CLDN14: variants seen among roughly 807,000 people sequenced by gnomAD.
CLDN14 encodes claudin-14.
A neutral mutation model predicts 2.1 loss-of-function variants in CLDN14; 2 were observed. The observed-to-expected ratio is 0.96, with a 90% confidence interval of 0.39 to 3.01. The LOEUF (loss-of-function observed/expected upper bound fraction) is 3.01, where lower values mean the gene tolerates loss of function less well. Ranked by LOEUF, CLDN14 falls within the 30% of genes most tolerant of loss-of-function variation. CLDN14 has a pLI of 0.09. For synonymous variants in CLDN14, 136 were observed against 154.4 expected (o/e 0.88, Z 0.88); for missense variants, 298 against 328.0 (o/e 0.91, Z 0.71).
intron 1 of CLDN14, among the ~76,000 whole-genome samples, chr21:36,539,757 C>G (rs1274183242): frequency 2.2e-5 from 3 of 135,828 alleles, no homozygotes; most frequent in African/African-American, 8.5e-5. Context: ...GTGAGTATGT[C>G]TGCAGAGTGT....
Position 36,553,297 on chromosome 21 carries a change from G to A in CLDN14, c.-220+23114C>T, listed in dbSNP as rs187829844. The stretch of plus-strand genomic sequence containing the variant: ...TCCTGAAGTAGGAGGTGCAAAAGGC[G>A]AGAGGAAGGGGAAGGTGGATTTGGG... On this transcript the variant is annotated intron_variant, in intron 1 of 2. Transcript: ENST00000342108. Among the ~76,000 whole-genome samples, 21 of 152,278 alleles carry A rather than the reference G, an allele frequency of 1.4e-4. No individual in the cohort carries two copies. In the East Asian group the frequency reaches 3.1e-3, roughly 22 times the overall value.
intron 1 of CLDN14, among the ~76,000 whole-genome samples, chr21:36,562,804 C>A (rs144787023): frequency 1.3e-5 from 2 of 151,826 alleles, no homozygotes; most frequent in Non-Finnish European, 2.9e-5. Context: ...CACAGTCAAG[C>A]GGTGTAGTTT....
At chr21:36,561,788 A>G (rs371189) in intron 1 of CLDN14, among the ~76,000 whole-genome samples, 113,439 of 152,014 alleles carry the variant, frequency 0.75, 43,902 homozygotes, top group Non-Finnish European at 0.87. Context: ...CCTTCTGTAG[A>G]CTACTTATGT....
intron 2 of CLDN14, among the ~76,000 whole-genome samples, chr21:36,488,935 C>A (rs970783244): frequency 1.0e-3 from 157 of 151,464 alleles, no homozygotes; most frequent in African/African-American, 3.6e-3. Flanking sequence ...TCAAGACTAG[C>A]CTGGCCAACA....
chr21:36,520,895 G>C (rs543718456), intron 1 of CLDN14, among the ~76,000 whole-genome samples: 7 of 151,996 alleles, frequency 4.6e-5, no homozygotes, highest in South Asian at 4.2e-4. Flanking sequence ...CCCCTTCAAC[G>C]CTCCCCATGG....
At chr21:36,462,594 T>C (rs199572406) in intron 1 of CLDN14, among the ~76,000 whole-genome samples, 1 of 152,218 alleles carries the variant, frequency 6.6e-6, no homozygotes, top group East Asian at 1.9e-4. Context: ...AGGATACTTT[T>C]TCGGGACAAG....
intron 1 of CLDN14, among the ~76,000 whole-genome samples, chr21:36,558,053 C>T (rs528615761): frequency 5.9e-4 from 90 of 152,100 alleles, no homozygotes; most frequent in Non-Finnish European, 1.0e-3. Flanking sequence ...TCTGGTGTAC[C>T]GGTATTACTG....
intron 1 of CLDN14, among the ~76,000 whole-genome samples, chr21:36,540,264 T>A (rs529670164): frequency 4.5e-4 from 69 of 152,270 alleles, no homozygotes; most frequent in African/African-American, 1.6e-3. Flanking sequence ...ATGTACGTCC[T>A]CTCATACACT....
Position 36,545,854 on chromosome 21 carries a change from G to A in CLDN14, c.-220+30557C>T, listed in dbSNP as rs563792553. Among the ~76,000 whole-genome samples, 10 of 152,202 alleles carry A rather than the reference G, an allele frequency of 6.6e-5. No homozygotes were observed. The South Asian group carries it at 1.5e-3, about 22-fold the overall frequency. The stretch of plus-strand genomic sequence containing the variant: ...CAAGGCCAAGTTTGCTTCTCCTGGA[G>A]CATCCCCAGGAGATGTCTGCCCAGG... On this transcript the variant is annotated intron_variant, in intron 1 of 2. Transcript: ENST00000342108.
At chr21:36,545,216 A>T (rs2087518863) in intron 1 of CLDN14, among the ~76,000 whole-genome samples, 1 of 152,208 alleles carries the variant, frequency 6.6e-6, no homozygotes, top group Admixed American at 6.5e-5. Flanking sequence ...ATTTTTAAGA[A>T]ACACAAATTC....
upstream of CLDN14, chr21:36,480,521 A>G (rs900356768): frequency 5.3e-5 from 8 of 152,110 alleles, no homozygotes; most frequent in Non-Finnish European, 1.0e-4. Flanking sequence ...TTGAGGAATG[A>G]TTCGCTGATT....
intron 1 of CLDN14, chr21:36,526,409 T>C (rs2087329993): frequency 6.6e-6 from 1 of 152,202 alleles, no homozygotes; most frequent in Non-Finnish European, 1.5e-5. Flanking sequence ...TGGAACTGAC[T>C]TGACCAAGGC....
chr21:36,475,099 G>A (rs2086760400), intron 1 of CLDN14, among the ~76,000 whole-genome samples: 1 of 152,264 alleles, frequency 6.6e-6, no homozygotes, highest in South Asian at 2.1e-4. Context: ...GTGCAGGTGG[G>A]GCAAGTGGTC....
chr21:36,519,354 G>A (rs1205950879), intron 1 of CLDN14, among the ~76,000 whole-genome samples: 1 of 152,152 alleles, frequency 6.6e-6, no homozygotes, highest in African/African-American at 2.4e-5. Flanking sequence ...GGCCGAAGTG[G>A]GTGGATCGCT....
intron 1 of CLDN14, among the ~76,000 whole-genome samples, chr21:36,522,694 G>A (rs1030552897): frequency 1.3e-5 from 2 of 152,200 alleles, no homozygotes; most frequent in Non-Finnish European, 2.9e-5. Context: ...AAACAATTTC[G>A]AATTCAAGGG....
rs912302247 is a variant in CLDN14 at position 36,534,873 on chromosome 21, A to G, written c.-219-24373T>C. ...GGGTTGCATCTTTCCCAGCCATACC[A>G]AGAGGAAATGCAACCATCTCCCTCC... On this transcript the variant is annotated intron_variant, in intron 1 of 2. Transcript: ENST00000342108. 5.3e-5 allele frequency among the ~76,000 whole-genome samples: 8 copies of G among 152,092 alleles called. No homozygotes were observed. The East Asian group carries it at 1.5e-3, about 29-fold the overall frequency.
intron 2 of CLDN14, chr21:36,486,533 G>A: frequency 1.3e-6 from 2 of 1,563,272 alleles, no homozygotes; most frequent in Non-Finnish European, 1.8e-6. Context: ...CCCTTCCCCA[G>A]CCAAAATCGG....
chr21:36,509,323 C>A (rs2087164381), intron 2 of CLDN14, among the ~76,000 whole-genome samples: 1 of 152,182 alleles, frequency 6.6e-6, no homozygotes, highest in Non-Finnish European at 1.5e-5. Context: ...GCAGGAGTGG[C>A]TCTTTGTGTT....
intron 1 of CLDN14, among the ~76,000 whole-genome samples, chr21:36,561,391 C>G (rs984885000): frequency 1.3e-5 from 2 of 152,204 alleles, no homozygotes; most frequent in African/African-American, 4.8e-5. Flanking sequence ...CGGGCTACCT[C>G]TCTTGACTTG....
Sources: gnomAD v4.1 joint callset for allele counts (sites outside exome capture counted in the v4.1 genomes callset) on GRCh38, gnomAD v4.1.1 for gene constraint, MANE v1.5 for transcripts, NCBI Gene and HGNC (gene_info 2026-07-23, HGNC 2026-07-21) for gene names.